RNF19B: variants seen among roughly 807,000 people sequenced by gnomAD.
RNF19B encodes the protein E3 ubiquitin-protein ligase RNF19B.
Under a neutral mutation model 65.5 loss-of-function variants are expected in RNF19B, and 23 were observed. The ratio of observed to expected loss-of-function variants is 0.35; its 90% confidence interval spans 0.25 to 0.50. The LOEUF is 0.50. RNF19B is among the 20% of genes least tolerant of loss of function. The probability of loss-of-function intolerance (pLI) is 0.98; values close to 1 mark genes in which losing one functional copy is unlikely to be tolerated. For missense variants in RNF19B, 794 were observed against 980.0 expected (o/e 0.81, Z 2.53); for synonymous variants, 372 against 379.6 (o/e 0.98, Z 0.23).
intron 1 of RNF19B, among the ~76,000 whole-genome samples, chr1:32,952,667 G>C (rs185219417): frequency 1.3e-5 from 2 of 151,614 alleles, no homozygotes; most frequent in East Asian, 3.9e-4. Flanking sequence ...GCTTGAACCC[G>C]GGAGGTGGAG....
rs569915572 is a variant in RNF19B, at chr1:32,944,068, G to C, written c.1353C>G (p.Asn451Lys). 4 of 1,612,742 alleles carry C rather than the reference G, an allele frequency of 2.5e-6. No individual in the cohort carries two copies. The highest frequency in any genetic ancestry group is 3.4e-6 in the Non-Finnish European group (4 of 1,179,394). The part of the protein sequence containing the change: ...RGGGCGVSTA[N>K]GKGVKIEFDE... Reference sequence around the variant, plus strand: ...CAAATTCAATTTTCACTCCTTTTCCGTTGGCTGTGCTAACTCCACAGCCGC... The same window carrying C: ...CAAATTCAATTTTCACTCCTTTTCCCTTGGCTGTGCTAACTCCACAGCCGC... Residue 451 changes from asparagine (N) to lysine (K), a missense_variant, in exon 6 of 9, where the codon AAC becomes AAG. Physicochemically the swap from Asn to Lys is moderately conservative, Grantham distance 94. Coordinates refer to ENST00000235150, the MANE Select transcript of RNF19B (RefSeq NM_001300826.2).
chr1:32,963,381 C>T (rs1033034072), intron 1 of RNF19B, among the ~76,000 whole-genome samples: 3 of 152,100 alleles, frequency 2.0e-5, no homozygotes, highest in Admixed American at 6.6e-5. Context: ...TTCTCATTCC[C>T]TCCTTGGCCA....
At position 32,946,380 on chromosome 1, in the gene RNF19B, G is replaced by A. The variant is rs1051474407; in HGVS notation, c.1146+22C>T. The A allele has an allele frequency of 2.5e-6, 4 of 1,609,542 alleles. No individual in the cohort carries two copies. The African/African-American group carries it at 4.0e-5, about 16-fold the overall frequency. Reference sequence around the variant, plus strand: ...CGAACCTAAAGTTGAAACAAGCACAGAAACCAGCATGTCTTTCTTACCTTC... The same window carrying A: ...CGAACCTAAAGTTGAAACAAGCACAAAAACCAGCATGTCTTTCTTACCTTC... On this transcript the variant is annotated intron_variant, in intron 4 of 8. Transcript: ENST00000235150.
intron 2 of RNF19B, among the ~76,000 whole-genome samples, chr1:32,948,601 A>G (rs1275530431): frequency 6.6e-6 from 1 of 152,196 alleles, no homozygotes; most frequent in East Asian, 1.9e-4. Flanking sequence ...GGCATCTTAC[A>G]CAGCACTTGA....
At chr1:32,940,980 T>C (rs1268476274) in intron 7 of RNF19B, among the ~76,000 whole-genome samples, 2 of 152,156 alleles carry the variant, frequency 1.3e-5, no homozygotes, top group African/African-American at 4.8e-5. Context: ...TCCTAGCACG[T>C]TGGGAGCCAA....
At chr1:32,958,532 C>T (rs912961537) in intron 1 of RNF19B, among the ~76,000 whole-genome samples, 6 of 152,052 alleles carry the variant, frequency 3.9e-5, no homozygotes, top group African/African-American at 7.2e-5. Context: ...CTGGCTAACA[C>T]GGTAAAACCC....
chr1:32,945,881 T>C (rs1273361782), intron 4 of RNF19B, among the ~76,000 whole-genome samples: 1 of 98,334 alleles, frequency 1.0e-5, no homozygotes, highest in Non-Finnish European at 2.6e-5. Flanking sequence ...TCTTCTTTTA[T>C]TTTTTTTTTT....
rs1642836255 is a variant in RNF19B at position 32,964,001 on chromosome 1, C to G, written c.635+50G>C. ...GCGGGGTCCCTGCTGCCCCCAGCCA[C>G]GCCCCTCGGCTGCAGCCCGCCGCCA... On this transcript the variant is annotated intron_variant, in intron 1 of 8. Transcript: ENST00000235150. The surrounding 1 kb of genome is among the most constrained non-coding windows in gnomAD (Gnocchi z 6.5). The G allele has an allele frequency of 7.9e-6, 11 of 1,391,220 alleles. No individual in the cohort carries two copies. The South Asian group carries it at 1.6e-4, about 21-fold the overall frequency. 86.2% of individuals were successfully genotyped at this position (1,391,220 alleles called of 1,614,324 possible).
chr1:32,945,089 T>C (rs1010294897), intron 5 of RNF19B, among the ~76,000 whole-genome samples: 2 of 152,190 alleles, frequency 1.3e-5, no homozygotes, highest in Admixed American at 1.3e-4. Flanking sequence ...TCCTGGCACA[T>C]GAAGAGCCAC....
At chr1:32,930,835 C>T in the RNF19B span, among the ~76,000 whole-genome samples, 1 of 152,202 alleles carries the variant, frequency 6.6e-6, no homozygotes, top group Non-Finnish European at 1.5e-5. Flanking sequence ...CGCCTGTAAT[C>T]CCAGCACTTT....
Position 32,943,831 on chromosome 1 carries a change from C to T in RNF19B, c.1402+188G>A, listed in dbSNP as rs78994793. ...CTAGTTTGTACCTGCCACACAGAGG[C>T]AAGTACCAGGGGAATTAACCTAATA... is the stretch of plus-strand genomic sequence containing the variant. On this transcript the variant is annotated intron_variant, in intron 6 of 8. Transcript: ENST00000235150. 8.1e-4 allele frequency among the ~76,000 whole-genome samples: 124 copies of T among 152,178 alleles called. 1 individual carries two copies. In the East Asian group the frequency reaches 0.021, roughly 26 times the overall value.
Position 32,946,554 on chromosome 1 carries a change from A to C in RNF19B, c.994T>G (p.Cys332Gly). ...SDLHYLSPSG[C>G]TFWGKKPWSR... ...CATGGCTTCTTGCCCCAGAATGTACAGCCAGAGGGGCTGCAGGGGAAACAG... is the reference window on the plus strand; with the variant it reads ...CATGGCTTCTTGCCCCAGAATGTACCGCCAGAGGGGCTGCAGGGGAAACAG... The change falls in exon 4 of 9, where the codon TGT becomes GGT. Residue 332 changes from cysteine (C) to glycine (G), a missense_variant. Cys to Gly is a radical substitution (Grantham distance 159). Coordinates refer to ENST00000235150, the MANE Select transcript of RNF19B (RefSeq NM_001300826.2). 6.2e-7 allele frequency: 1 copy of C among 1,613,880 alleles called. No homozygotes were observed. Among genetic ancestry groups the C allele is most frequent in the Non-Finnish European group, 8.5e-7 (1 of 1,179,904 alleles).
chr1:32,954,629 T>C (rs1030005873), intron 1 of RNF19B, among the ~76,000 whole-genome samples: 1 of 151,030 alleles, frequency 6.6e-6, no homozygotes, highest in South Asian at 2.1e-4. Flanking sequence ...ATCCAGCTAC[T>C]CGGGAGGCTG....
At position 32,945,880 on chromosome 1, in the gene RNF19B, A is replaced by AT. The variant is rs34388763; in HGVS notation, c.1147-253dup. Among the ~76,000 whole-genome samples, 730 of 147,960 alleles carry AT rather than the reference A, an allele frequency of 4.9e-3. 4 individuals carry two copies. Among genetic ancestry groups the AT allele is most frequent in the Non-Finnish European group, 7.4e-3 (496 of 66,740 alleles). ...AGTAAGCATTTTACCTTCTTCTTTT[A>AT]TTTTTTTTTTTGGAGTCTGTCATGC... On this transcript the variant is annotated intron_variant, in intron 4 of 8. Transcript: ENST00000235150.
intron 4 of RNF19B, among the ~76,000 whole-genome samples, chr1:32,945,884 T>TTA (rs201723593): frequency 2.6e-5 from 4 of 152,086 alleles, no homozygotes; most frequent in East Asian, 1.9e-4. Flanking sequence ...TCTTTTATTT[T>TTA]TTTTTTTGGA....
rs118154179 is a variant in RNF19B at position 32,963,108 on chromosome 1, G to C, written c.635+943C>G. On this transcript the variant is annotated intron_variant, in intron 1 of 8. Transcript: ENST00000235150. ...CACCAACCTCTGGGCATTCTTCTCA[G>C]TGCCCCCATTGAGACTCTGGACAAA... is the stretch of plus-strand genomic sequence containing the variant. Among the ~76,000 whole-genome samples, 15 of 152,200 alleles carry C rather than the reference G, an allele frequency of 9.9e-5. No homozygotes were observed. In the East Asian group the frequency reaches 2.7e-3, roughly 27 times the overall value.
chr1:32,963,159 T>C (rs563489979), intron 1 of RNF19B, among the ~76,000 whole-genome samples: 1 of 152,200 alleles, frequency 6.6e-6, no homozygotes, highest in African/African-American at 2.4e-5. Flanking sequence ...CCCCTCACCC[T>C]ACCCAAGGCA....
At chr1:32,938,127 T>C (rs1570076119) in intron 8 of RNF19B, among the ~76,000 whole-genome samples, 2 of 53,226 alleles carry the variant, frequency 3.8e-5, no homozygotes, top group South Asian at 8.4e-4. Flanking sequence ...ACTGTTGCAA[T>C]AGCCAAGAAA....
intron 6 of RNF19B, among the ~76,000 whole-genome samples, chr1:32,943,231 A>C (rs1642281726): frequency 6.6e-6 from 1 of 152,116 alleles, no homozygotes; most frequent in South Asian, 2.1e-4. Flanking sequence ...CTACGAGTAG[A>C]AACCACATTA....
Sources: allele counts gnomAD v4.1 joint callset (sites outside exome capture counted in the v4.1 genomes callset), GRCh38; gene constraint gnomAD v4.1.1; non-coding constraint Gnocchi (gnomAD v3.1); transcripts MANE v1.5; gene names NCBI Gene and HGNC (gene_info 2026-07-23, HGNC 2026-07-21).